The following PPP6R2 variants were observed in gnomAD, a reference collection of about 807,000 sequenced individuals.
PPP6R2 encodes the protein serine/threonine-protein phosphatase 6 regulatory subunit 2.
Under a neutral mutation model 100.2 loss-of-function variants are expected in PPP6R2, and 62 were observed. The ratio of observed to expected loss-of-function variants is 0.62; its 90% CI spans 0.50 to 0.76. The LOEUF (loss-of-function observed/expected upper bound fraction) is 0.76, where lower values mean the gene tolerates loss of function less well. Ranked by LOEUF, PPP6R2 falls within the 30% of genes least tolerant of loss-of-function variation. PPP6R2 has a pLI of 0.00. For synonymous variants in PPP6R2, 525 were observed against 514.7 expected (o/e 1.02, Z -0.27); for missense variants, 1,142 against 1,276.3 (o/e 0.89, Z 1.60).
At chr22:50,340,053 T>C (rs2042354837), upstream of PPP6R2, among the ~76,000 whole-genome samples, 1 of 128,898 alleles carries the variant, frequency 7.8e-6, no homozygotes, top group Non-Finnish European at 1.7e-5. Flanking sequence ...GTTTAGGGTG[T>C]GGTGTGTGGT....
intron 2 of PPP6R2, among the ~76,000 whole-genome samples, chr22:50,385,884 C>G (rs1029820370): frequency 8.2e-6 from 1 of 121,772 alleles, no homozygotes; most frequent in African/African-American, 3.3e-5. Context: ...AGTGCAGTGA[C>G]TCGATCTAGG....
intron 10 of PPP6R2, among the ~76,000 whole-genome samples, chr22:50,430,577 C>T (rs1168691052): frequency 6.6e-6 from 1 of 152,172 alleles, no homozygotes; most frequent in African/African-American, 2.4e-5. Flanking sequence ...GAGCTTCCAA[C>T]TGAAGGACAA....
In PPP6R2 at chr22:50,438,732, G is replaced by A; in HGVS notation, c.2098G>A (p.Glu700Lys). 1 of 1,608,760 alleles carries A rather than the reference G, an allele frequency of 6.2e-7. No individual in the cohort carries two copies. The highest frequency in any genetic ancestry group is 8.5e-7 in the Non-Finnish European group (1 of 1,177,678). ...TGCCCCACCGGCCCCCGGGAAGAAGGAAGCGCCCCCTGTGGAGGGTGACTC... is the reference window on the plus strand; with the variant it reads ...TGCCCCACCGGCCCCCGGGAAGAAGAAAGCGCCCCCTGTGGAGGGTGACTC... Reference protein sequence around the residue: ...AGAPPAPGKKEAPPVEGDSEG... With the variant: ...AGAPPAPGKKKAPPVEGDSEG... Residue 700 changes from glutamate to lysine, a missense_variant, in exon 19 of 24, where the codon GAA (glutamate) becomes AAA (lysine). Around this residue, in one of 2 missense-constraint regions of PPP6R2, gnomAD observed 550 missense variants for 517.4 expected, o/e 1.06. Coordinates refer to ENST00000612753, the MANE Select transcript of PPP6R2 (RefSeq NM_001242898.2).
At chr22:50,442,746 G>A (rs1448932724) in intron 22 of PPP6R2, among the ~76,000 whole-genome samples, 8 of 151,786 alleles carry the variant, frequency 5.3e-5, no homozygotes, top group Non-Finnish European at 8.8e-5. Context: ...TAGAGACGGG[G>A]TTTCACTGTG....
intron 1 of PPP6R2, among the ~76,000 whole-genome samples, chr22:50,357,503 C>T (rs774794342): frequency 1.3e-5 from 2 of 151,124 alleles, no homozygotes; most frequent in South Asian, 2.1e-4. Flanking sequence ...CTCTCTCTCT[C>T]TTTCTTTTTT....
chr22:50,413,267 A>G (rs1239674961), intron 4 of PPP6R2, among the ~76,000 whole-genome samples: 1 of 152,126 alleles, frequency 6.6e-6, no homozygotes, highest in Non-Finnish European at 1.5e-5. Context: ...CTGGCCAGAT[A>G]AGTATTTTTT....
intron 19 of PPP6R2, 28 bp downstream of exon 19, chr22:50,438,790 T>C: frequency 5.8e-6 from 9 of 1,564,508 alleles, no homozygotes; most frequent in Non-Finnish European, 7.8e-6. Flanking sequence ...GGGCTGGGAG[T>C]GTGGGTATCG....
intron 2 of PPP6R2, among the ~76,000 whole-genome samples, chr22:50,386,202 G>GT (rs2054227449): frequency 6.6e-6 from 1 of 151,458 alleles, no homozygotes; most frequent in African/African-American, 2.4e-5. Context: ...GAGTGCAGTG[G>GT]TGCAATCTCT....
chr22:50,335,836 C>A, the PPP6R2 span, among the ~76,000 whole-genome samples: 4 of 143,328 alleles, frequency 2.8e-5, 1 homozygote, highest in African/African-American at 1.1e-4. Flanking sequence ...CCACCACGCC[C>A]GACTAATTTT....
intron 1 of PPP6R2, among the ~76,000 whole-genome samples, chr22:50,358,262 T>G (rs773299331): frequency 9.7e-4 from 147 of 152,304 alleles, no homozygotes; most frequent in Non-Finnish European, 1.7e-3. Flanking sequence ...AGCTCCTGTT[T>G]GTTTATTTTG....
intron 2 of PPP6R2, among the ~76,000 whole-genome samples, chr22:50,384,352 G>A (rs1328569957): frequency 2.0e-5 from 3 of 152,114 alleles, no homozygotes; most frequent in South Asian, 2.1e-4. Context: ...TCAGTAGACC[G>A]AGACCATCCT....
chr22:50,350,778 C>T (rs2044909625), intron 1 of PPP6R2, among the ~76,000 whole-genome samples: 1 of 149,662 alleles, frequency 6.7e-6, no homozygotes, highest in East Asian at 2.1e-4. Context: ...CCAGGAGGCG[C>T]AACTTGCAGT....
the PPP6R2 span, among the ~76,000 whole-genome samples, chr22:50,337,722 CTGTGTGGTATGTAGTG>C: frequency 1.7e-5 from 2 of 115,698 alleles, no homozygotes; most frequent in East Asian, 2.9e-4. Flanking sequence ...TATATGTGTA[CTGTGTGGTATGTAGTG>C]TGTGTGGTAT....
intron 1 of PPP6R2, among the ~76,000 whole-genome samples, chr22:50,343,780 T>TTC: frequency 2.3e-5 from 1 of 43,082 alleles, no homozygotes; most frequent in Admixed American, 3.5e-4. Flanking sequence ...TCTAGTCAGT[T>TTC]CCCCCAGTCA....
chr22:50,414,449 T>G (rs904677744), intron 4 of PPP6R2, 103 bp from the exon 5 acceptor site: 49 of 1,312,676 alleles, frequency 3.7e-5, no homozygotes, highest in Non-Finnish European at 5.0e-5. Flanking sequence ...TATTTCTGCT[T>G]AATATAATTA....
At chr22:50,384,005 C>T (rs1287801029) in intron 2 of PPP6R2, among the ~76,000 whole-genome samples, 1 of 147,702 alleles carries the variant, frequency 6.8e-6, no homozygotes, top group South Asian at 2.2e-4. Context: ...CACTGCACTC[C>T]AGCCTGGGCG....
rs967474691 is a variant in PPP6R2 at position 50,444,529 on chromosome 22, TGGGGGTGGGGGTG to T, written c.*288_*300del. On this transcript the variant is annotated 3_prime_UTR_variant, in exon 24 of 24. Coordinates refer to ENST00000612753, the MANE Select transcript of PPP6R2 (RefSeq NM_001242898.2). ...TAAGGTCGGCCTGCAGGAGCCGGGG[TGGGGGTGGGGGTG>T]GGGGGGGCAGGACCCTGAGATGCCA... 1 of 16,270 alleles carries T rather than the reference TGGGGGTGGGGGTG, an allele frequency of 6.1e-5. No homozygotes were observed. The highest frequency in any genetic ancestry group is 4.0e-4 in the African/African-American group (1 of 2,496). 1.0% of individuals were successfully genotyped at this position (16,270 alleles called of 1,614,324 possible). A position where few individuals can be genotyped will look rare whatever the true frequency, so the allele number is the denominator to read the frequency against.
chr22:50,413,368 CTTA>C (rs1390401389), intron 4 of PPP6R2, among the ~76,000 whole-genome samples: 5 of 152,038 alleles, frequency 3.3e-5, no homozygotes, highest in Non-Finnish European at 7.4e-5. Flanking sequence ...GTGGCTCCTG[CTTA>C]TTATTACAGC....
At chr22:50,367,492 G>A (rs1297893262) in intron 1 of PPP6R2, among the ~76,000 whole-genome samples, 1 of 151,992 alleles carries the variant, frequency 6.6e-6, no homozygotes, top group Non-Finnish European at 1.5e-5. Flanking sequence ...GATGAGGGGT[G>A]GATGCTTAGG....
Sources: gnomAD v4.1 joint callset for allele counts (sites outside exome capture counted in the v4.1 genomes callset) on GRCh38, gnomAD v4.1.1 for gene constraint, gnomAD v4.1.1 regional missense constraint, MANE v1.5 for transcripts, NCBI Gene and HGNC (gene_info 2026-07-23, HGNC 2026-07-21) for gene names.